Variants in PCDHA7 observed in about 807,000 individuals in gnomAD.
PCDHA7 encodes the protein protocadherin alpha-7.
Under a neutral mutation model 57.2 loss-of-function variants are expected in PCDHA7, and 37 were observed. The ratio of observed to expected loss-of-function variants is 0.65; its 90% CI spans 0.50 to 0.85. The LOEUF is 0.85. Among genes scored for constraint, PCDHA7 ranks in the 40% least tolerant of loss-of-function variants. The probability of loss-of-function intolerance (pLI) is 0.00; values close to 1 mark genes in which losing one functional copy is unlikely to be tolerated. For missense variants in PCDHA7, 1,188 were observed against 1,241.8 expected (o/e 0.96, Z 0.65); for synonymous variants, 553 against 558.8 (o/e 0.99, Z 0.15).
At chr5:140,879,047 A>G (rs931436432) in intron 1 of PCDHA7, among the ~76,000 whole-genome samples, 1 of 152,238 alleles carries the variant, frequency 6.6e-6, no homozygotes, top group African/African-American at 2.4e-5. Flanking sequence ...AAAGATAGAC[A>G]ACATTTTACC....
chr5:140,950,237 A>C (rs1192417956), intron 1 of PCDHA7, among the ~76,000 whole-genome samples: 1 of 151,954 alleles, frequency 6.6e-6, no homozygotes, highest in African/African-American at 2.4e-5. Context: ...AGTGCCATTA[A>C]TTTGTTCCTA....
intron 1 of PCDHA7, chr5:140,869,060 T>C (rs1490534322): frequency 2.6e-6 from 4 of 1,556,804 alleles, no homozygotes; most frequent in East Asian, 2.2e-5. Context: ...AATCTGGTAC[T>C]GTAAGTGTAA....
intron 1 of PCDHA7, among the ~76,000 whole-genome samples, chr5:140,976,481 G>A (rs549195125): frequency 6.6e-6 from 1 of 152,160 alleles, no homozygotes; most frequent in South Asian, 2.1e-4. Flanking sequence ...AATCCGGGAG[G>A]CAGAGGTTGC....
chr5:140,951,503 A>G (rs1554219922), intron 1 of PCDHA7, among the ~76,000 whole-genome samples: 1 of 151,992 alleles, frequency 6.6e-6, no homozygotes, highest in African/African-American at 2.4e-5. Flanking sequence ...AGGCAAAAGG[A>G]AAGCGGCTCA....
chr5:140,883,862 C>T (rs1467289225), intron 1 of PCDHA7: 3 of 1,613,000 alleles, frequency 1.9e-6, no homozygotes, highest in Non-Finnish European at 1.7e-6. Flanking sequence ...GGAGCTGTTG[C>T]AGTTCCAGGT....
intron 1 of PCDHA7, chr5:140,929,215 T>C (rs1554206842): frequency 1.2e-6 from 2 of 1,613,934 alleles, no homozygotes; most frequent in East Asian, 2.2e-5. Context: ...GCGTGGGGAG[T>C]ACAATGCTGC....
intron 1 of PCDHA7, among the ~76,000 whole-genome samples, chr5:140,891,754 T>C (rs1221942340): frequency 6.6e-6 from 1 of 152,174 alleles, no homozygotes; most frequent in Non-Finnish European, 1.5e-5. Flanking sequence ...ACAACAGTGT[T>C]GGGAGGTGGG....
intron 3 of PCDHA7, among the ~76,000 whole-genome samples, chr5:141,006,429 G>A (rs541690957): frequency 1.3e-5 from 2 of 152,004 alleles, no homozygotes; most frequent in South Asian, 4.2e-4. Context: ...TAGCCAGGAT[G>A]GTCTCAATCT....
In PCDHA7 at chr5:140,842,705, G is replaced by C. The variant is rs2150342552; in HGVS notation, c.2355+5967G>C. 4 of 1,595,328 alleles carry C rather than the reference G, an allele frequency of 2.5e-6. No homozygotes were observed. The African/African-American group carries it at 4.0e-5, about 16-fold the overall frequency. On this transcript the variant is annotated intron_variant, in intron 1 of 3. Coordinates refer to ENST00000525929, the MANE Select transcript of PCDHA7 (RefSeq NM_018910.3). ...GGCGTTCGCGCAGCCCGAGTACACG[G>C]TGTTCGTGAAGGAGAACAACCCGCC... is the stretch of plus-strand genomic sequence containing the variant.
chr5:140,884,504 GGGAGTT>G, intron 1 of PCDHA7: 1 of 1,614,180 alleles, frequency 6.2e-7, no homozygotes, highest in Non-Finnish European at 8.5e-7. Context: ...CAGCGCGGCA[GGGAGTT>G]GGTCGTACTC....
chr5:140,842,877 C>G (rs782040771), intron 1 of PCDHA7: 5 of 1,593,864 alleles, frequency 3.1e-6, no homozygotes, highest in Non-Finnish European at 4.3e-6. Flanking sequence ...AAGGTGTACG[C>G]GCTGCAGCCG....
intron 1 of PCDHA7, chr5:140,876,771 T>C: frequency 6.2e-7 from 1 of 1,614,228 alleles, no homozygotes; most frequent in African/African-American, 1.3e-5. Flanking sequence ...GGGGCTCGCC[T>C]TCGCTGTGGG....
intron 1 of PCDHA7, among the ~76,000 whole-genome samples, chr5:140,907,298 A>T (rs138771358): frequency 0.017 from 2,638 of 152,276 alleles, 92 homozygotes; most frequent in African/African-American, 0.06. Context: ...CTGCTTCAGG[A>T]TGATGGGGAA....
At chr5:140,973,324 C>T (rs1261856526) in intron 1 of PCDHA7, among the ~76,000 whole-genome samples, 4 of 152,174 alleles carry the variant, frequency 2.6e-5, no homozygotes, top group Admixed American at 1.3e-4. Context: ...ACAGAGTTTA[C>T]ACTCGTTGTA....
At chr5:140,966,502 G>C in intron 1 of PCDHA7, 1 of 433,894 alleles carries the variant, frequency 2.3e-6, no homozygotes, top group Non-Finnish European at 4.0e-6. Flanking sequence ...GAGCTGTAGC[G>C]GCAGCAGCAG....
At chr5:140,922,927 T>C (rs1257564815) in intron 1 of PCDHA7, among the ~76,000 whole-genome samples, 1 of 152,214 alleles carries the variant, frequency 6.6e-6, no homozygotes, top group Non-Finnish European at 1.5e-5. Flanking sequence ...TTCAGACTTT[T>C]ACTTCCAGCA....
intron 1 of PCDHA7, chr5:140,848,264 T>G (rs1156785908): frequency 4.1e-6 from 2 of 490,594 alleles, no homozygotes; most frequent in Non-Finnish European, 7.2e-6. Context: ...GAAATTTTTA[T>G]TCATGAAATA....
At chr5:140,912,674 A>G (rs184432134) in intron 1 of PCDHA7, among the ~76,000 whole-genome samples, 14 of 152,238 alleles carry the variant, frequency 9.2e-5, no homozygotes, top group Admixed American at 7.2e-4. Flanking sequence ...GGCATCCTTG[A>G]CTTATTCCAG....
At chr5:141,001,451 A>T (rs2098018648) in intron 3 of PCDHA7, among the ~76,000 whole-genome samples, 1 of 152,310 alleles carries the variant, frequency 6.6e-6, no homozygotes, top group African/African-American at 2.4e-5. Flanking sequence ...TTCCACTGTC[A>T]ATTGAAGGAC....
Sources: gnomAD v4.1 joint callset for allele counts (sites outside exome capture counted in the v4.1 genomes callset) on GRCh38, gnomAD v4.1.1 for gene constraint, MANE v1.5 for transcripts, NCBI Gene and HGNC (gene_info 2026-07-23, HGNC 2026-07-21) for gene names.